KPRP: variants seen among roughly 807,000 people sequenced by gnomAD.
The protein encoded by KPRP is keratinocyte proline rich protein, also known as keratinocyte proline-rich protein.
For missense variants in KPRP, 820 were observed against 746.4 expected (o/e 1.10, Z -1.15); for synonymous variants, 282 against 276.9 (o/e 1.02, Z -0.18).
chr1:152,759,919 G>A (rs750768853), exon 1 of KPRP: 1 of 1,614,200 alleles, frequency 6.2e-7, no homozygotes, highest in Non-Finnish European at 8.5e-7. Context: ...TCAAAGCCAG[G>A]CTCCATGCCA....
At chr1:152,761,500 C>T in exon 1 of KPRP, 1 of 1,261,368 alleles carries the variant, frequency 7.9e-7, no homozygotes. Context: ...ACACCTGGGT[C>T]TCAGATGCCT....
exon 1 of KPRP, chr1:152,760,561 T>C: frequency 3.1e-6 from 5 of 1,609,866 alleles, no homozygotes; most frequent in African/African-American, 1.3e-5. Context: ...TGGCCCCAAG[T>C]GCCGAATCGA....
At chr1:152,761,007 T>C in exon 1 of KPRP, 1 of 1,612,550 alleles carries the variant, frequency 6.2e-7, no homozygotes, top group South Asian at 1.1e-5. Flanking sequence ...CAGAGCCTTG[T>C]CCACGACCAG....
exon 1 of KPRP, chr1:152,761,544 C>A (rs1159345853): frequency 6.2e-6 from 5 of 802,206 alleles, no homozygotes; most frequent in Admixed American, 3.2e-5. Flanking sequence ...CGCCCGTACG[C>A]ATCCTCGGCT....
At chr1:152,760,255 T>A in exon 1 of KPRP, 1 of 1,614,034 alleles carries the variant, frequency 6.2e-7, no homozygotes, top group Non-Finnish European at 8.5e-7. Context: ...TCAGTATCGG[T>A]CCCGGACTTC....
chr1:152,760,897 C>T, exon 1 of KPRP: 1 of 1,614,156 alleles, frequency 6.2e-7, no homozygotes, highest in Non-Finnish European at 8.5e-7. Flanking sequence ...TCCAGAACCA[C>T]TTCCAGCACT....
chr1:152,761,285 C>A lies in KPRP; in HGVS notation c.1697C>A (p.Ala566Asp), dbSNP rs768478119. 73 of 1,613,974 alleles carry A rather than the reference C, an allele frequency of 4.5e-5. No homozygotes were observed. The highest frequency in any genetic ancestry group is 1.6e-4 in the Middle Eastern group (1 of 6,084). Residue 566 changes from alanine to aspartate, a missense_variant, in exon 1 of 1, where the codon GCC (alanine) becomes GAC (aspartate). Physicochemically the swap from Ala to Asp is moderately radical, Grantham distance 126. Coordinates refer to ENST00000606109, the Ensembl canonical transcript of KPRP. The stretch of plus-strand genomic sequence containing the variant: ...GATGGCCATGGAGACCAAGGCAATG[C>A]CTTTGCTGGAGTGAAAGGGGAAGCA...
At chr1:152,761,191 T>C (rs1265374721) in exon 1 of KPRP, 3 of 1,614,164 alleles carry the variant, frequency 1.9e-6, no homozygotes. Flanking sequence ...CCCATCCAGT[T>C]ACAACCAGGG....
In KPRP at chr1:152,760,711, G is replaced by C. The variant is rs774115011; in HGVS notation, c.1123G>C (p.Glu375Gln). 5.0e-6 allele frequency: 8 copies of C among 1,613,774 alleles called. No homozygotes were observed. The African/African-American group carries it at 8.0e-5, about 16-fold the overall frequency. ...CTGCCCTGAGCTGAGGCCACACGTA[G>C]AGCCACGTCCACTCCCAAGCTTCTG... is the stretch of plus-strand genomic sequence containing the variant. The change falls in exon 1 of 1, where the codon GAG becomes CAG. Residue 375 changes from glutamate to glutamine, a missense_variant. Coordinates refer to ENST00000606109, the Ensembl canonical transcript of KPRP.
exon 1 of KPRP, chr1:152,760,259 G>A (rs1445616839): frequency 1.9e-6 from 3 of 1,614,044 alleles, no homozygotes; most frequent in East Asian, 4.5e-5. Context: ...TATCGGTCCC[G>A]GACTTCATTT....
At chr1:152,761,360 G>T in exon 1 of KPRP, 1 of 1,581,940 alleles carries the variant, frequency 6.3e-7, no homozygotes, top group Non-Finnish European at 8.6e-7. Context: ...CCTCTCTCCT[G>T]CTCTGAAAAT....
chr1:152,761,039 C>T, exon 1 of KPRP: 1 of 1,613,634 alleles, frequency 6.2e-7, no homozygotes, highest in African/African-American at 1.3e-5. Context: ...CTGCCGGCGC[C>T]CTGCCCAAGC....
chr1:152,760,387 C>T (rs773354173), exon 1 of KPRP: 6 of 1,614,008 alleles, frequency 3.7e-6, no homozygotes, highest in South Asian at 1.1e-5. Flanking sequence ...GCTTTTCCCC[C>T]GCAGCTGTTC....
exon 1 of KPRP, chr1:152,760,615 T>C (rs769591228): frequency 6.2e-7 from 1 of 1,609,140 alleles, no homozygotes; most frequent in Admixed American, 1.7e-5. Context: ...CCCACAGAGG[T>C]GTCCTGTTGA....
chr1:152,758,560 T>C (rs1427903803), upstream of KPRP, among the ~76,000 whole-genome samples: 2 of 152,162 alleles, frequency 1.3e-5, no homozygotes, highest in Non-Finnish European at 2.9e-5. Flanking sequence ...AACACGTGCA[T>C]CTGACACAAG....
At chr1:152,761,940 T>G (rs1283363681) in exon 1 of KPRP, 1 of 168,258 alleles carries the variant, frequency 5.9e-6, no homozygotes, top group African/African-American at 2.4e-5. Flanking sequence ...GGGCTGGCTG[T>G]TGCTTAGCAA....
chr1:152,758,467 G>C (rs916028718), upstream of KPRP, among the ~76,000 whole-genome samples: 3 of 152,154 alleles, frequency 2.0e-5, no homozygotes, highest in Admixed American at 1.3e-4. Context: ...GGAGCATTTG[G>C]GGAGCTTATT....
Position 152,760,859 on chromosome 1 carries a change from CACG to C in KPRP, c.1274_1276del (p.Arg425del), listed in dbSNP as rs1427958081. 41 of 1,614,064 alleles carry C rather than the reference CACG, an allele frequency of 2.5e-5. 1 individual carries two copies. The highest frequency in any genetic ancestry group is 3.3e-5 in the South Asian group (3 of 91,090). The stretch of plus-strand genomic sequence containing the variant: ...CTAGAACCACGCCCGCGTCCTCTAC[CACG>C]ACAACTTTCAGAACCTTGTTTGTAT... On this transcript the variant is annotated inframe_deletion, in exon 1 of 1. Transcript: ENST00000606109.
At chr1:152,760,038 C>A (rs746613944) in exon 1 of KPRP, 1 of 1,614,164 alleles carries the variant, frequency 6.2e-7, no homozygotes, top group Non-Finnish European at 8.5e-7. Context: ...AATGCCCAGT[C>A]CAGAACTATG....
Sources: gnomAD v4.1 joint callset for allele counts (sites outside exome capture counted in the v4.1 genomes callset) on GRCh38, gnomAD v4.1.1 for gene constraint, MANE v1.5 for transcripts, NCBI Gene and HGNC (gene_info 2026-07-23, HGNC 2026-07-21) for gene names.